Variants in ACSL1 observed in about 807,000 individuals in gnomAD.
The protein encoded by ACSL1 is long-chain-fatty-acid--CoA ligase 1.
In ACSL1, 41 loss-of-function variants were observed where a neutral mutation model predicts 98.4. The ratio of observed to expected loss-of-function variants is 0.42; its 90% CI spans 0.32 to 0.54. ACSL1 has a LOEUF of 0.54. Among genes scored for constraint, ACSL1 ranks in the 20% least tolerant of loss-of-function variants. The pLI, the probability that ACSL1 is intolerant of heterozygous loss-of-function variation, is 0.13. For synonymous variants in ACSL1, 316 were observed against 322.7 expected, an observed-to-expected ratio of 0.98 and a Z score of 0.22; for missense variants, 734 against 883.1, an observed-to-expected ratio of 0.83 and a Z score of 2.14.
chr4:184,778,149 C>G (rs1005362951), intron 5 of ACSL1, among the ~76,000 whole-genome samples: 3 of 152,228 alleles, frequency 2.0e-5, no homozygotes, highest in Non-Finnish European at 4.4e-5. Flanking sequence ...ACTGCCCTAC[C>G]TACTGGACAA....
Position 184,825,334 on chromosome 4 carries a change from C to T in ACSL1, c.-33+582G>A. The T allele has an allele frequency of 1.3e-6, 1 of 775,838 alleles. No homozygotes were observed. The highest frequency in any genetic ancestry group is 1.6e-6 in the Non-Finnish European group (1 of 638,568). The allele number at this position is 775,838 out of a possible 1,614,324, so 48.1% of individuals were successfully genotyped here. On this transcript the variant is annotated intron_variant, in intron 1 of 20. Coordinates refer to ENST00000281455, the MANE Select transcript of ACSL1 (RefSeq NM_001995.5). The surrounding 1 kb of genome is among the most constrained non-coding windows in gnomAD (Gnocchi z 4.7). The stretch of plus-strand genomic sequence containing the variant: ...ACTCCACGGCCAAGTGCAAGGGCCA[C>T]GGGCACTCCTCTGGAGTCACCGAGA...
chr4:184,798,046 G>A (rs1332396471), intron 2 of ACSL1, among the ~76,000 whole-genome samples: 1 of 152,200 alleles, frequency 6.6e-6, no homozygotes, highest in East Asian at 1.9e-4. Context: ...CGGCCAGCAT[G>A]TGACCTGGAG....
chr4:184,802,771 G>T (rs768654060), intron 2 of ACSL1, among the ~76,000 whole-genome samples: 1 of 152,208 alleles, frequency 6.6e-6, no homozygotes, highest in Non-Finnish European at 1.5e-5. Context: ...CAGCAGCCCA[G>T]CCAGACGCGC....
At chr4:184,791,024 G>A (rs1261451167) in intron 2 of ACSL1, among the ~76,000 whole-genome samples, 1 of 152,374 alleles carries the variant, frequency 6.6e-6, no homozygotes, top group African/African-American at 2.4e-5. Flanking sequence ...GATAAGAAAA[G>A]TACCAAGTAT....
chr4:184,782,915 C>T (rs891872081), intron 4 of ACSL1, among the ~76,000 whole-genome samples: 13 of 152,228 alleles, frequency 8.5e-5, no homozygotes, highest in Non-Finnish European at 1.5e-4. Flanking sequence ...AGAACGATCC[C>T]TTCCACAGAC....
intron 2 of ACSL1, among the ~76,000 whole-genome samples, chr4:184,790,198 T>C (rs1177040711): frequency 6.6e-6 from 1 of 152,186 alleles, no homozygotes; most frequent in South Asian, 2.1e-4. Flanking sequence ...TCTGTTTCCA[T>C]GGACTCTTCT....
chr4:184,786,137 G>A (rs1001149718), intron 3 of ACSL1, among the ~76,000 whole-genome samples: 1 of 152,068 alleles, frequency 6.6e-6, no homozygotes, highest in Non-Finnish European at 1.5e-5. Flanking sequence ...ACCCTTAACT[G>A]GAATAAACAG....
At chr4:184,789,479 ATC>A (rs1383833588) in intron 2 of ACSL1, among the ~76,000 whole-genome samples, 1 of 152,228 alleles carries the variant, frequency 6.6e-6, no homozygotes. Flanking sequence ...GCGCAATATC[ATC>A]TGTTAGAAAC....
intron 2 of ACSL1, chr4:184,798,335 AAAAC>A (rs1375760944): frequency 1.3e-5 from 2 of 152,250 alleles, no homozygotes; most frequent in Admixed American, 6.5e-5. Context: ...CCAATATCTA[AAAAC>A]AAACAAATAA....
At chr4:184,771,775 C>T (rs56099518) in intron 10 of ACSL1, among the ~76,000 whole-genome samples, 2 of 152,198 alleles carry the variant, frequency 1.3e-5, no homozygotes, top group South Asian at 4.1e-4. Context: ...TTTCCTAAAG[C>T]TGGGTCACCC....
chr4:184,786,465 C>A (rs1026088169), intron 3 of ACSL1, among the ~76,000 whole-genome samples: 2 of 150,928 alleles, frequency 1.3e-5, no homozygotes, highest in African/African-American at 4.9e-5. Flanking sequence ...CACACTGTTT[C>A]ATGTGCCATA....
In ACSL1 at chr4:184,757,086, G is replaced by A; in HGVS notation, c.*39C>T. 1 of 1,533,950 alleles carries A rather than the reference G, an allele frequency of 6.5e-7. No homozygotes were observed. The highest frequency in any genetic ancestry group is 1.2e-5 in the South Asian group (1 of 81,456). On this transcript the variant is annotated 3_prime_UTR_variant, in exon 21 of 21. Transcript: ENST00000281455. This position sits in a 1 kb window ranked among gnomAD's most constrained non-coding sequence, Gnocchi z 4.5. ...AAGGCCATCAGCAGGAGAAGAGATT[G>A]TGGAACTGTGCCATTTCCTCTGAGC...
At position 184,765,966 on chromosome 4, in the gene ACSL1, G is replaced by A; in HGVS notation, c.1284C>T (p.Val428=). The A allele has an allele frequency of 6.2e-7, 1 of 1,613,852 alleles. No homozygotes were observed. The highest frequency in any genetic ancestry group is 1.3e-5 in the African/African-American group (1 of 75,056). The change falls in exon 14 of 21, where the codon GTC becomes GTT. Residue 428 remains valine (V), a synonymous_variant. Coordinates refer to ENST00000281455, the MANE Select transcript of ACSL1 (RefSeq NM_001995.5). ...HKVQSSLGGR[V]RLMVTGAAPV... ...GGGCGGCTCCTGTCACCATCAGCCG[G>A]ACTCTTCCGCCCAGGCTCGACTTTC...
chr4:184,763,041 C>T, intron 16 of ACSL1, 126 bp downstream of exon 16: 1 of 959,616 alleles, frequency 1.0e-6, no homozygotes, highest in Non-Finnish European at 1.5e-6. Context: ...CTGGCAGACT[C>T]CAGGATCACC....
In ACSL1 at chr4:184,760,415, T is replaced by C. The variant is rs753629863; in HGVS notation, c.1724A>G (p.Asn575Ser). Residue 575 changes from asparagine to serine, a missense_variant, in exon 18 of 21, where the codon AAT becomes AGT. By Grantham distance (46) the Asn-to-Ser change is conservative. Coordinates refer to ENST00000281455, the MANE Select transcript of ACSL1 (RefSeq NM_001995.5). ...GEYIAPEKIE[N>S]IYMRSEPVAQ... ...AACAGGCTCACTTCGCATGTAGATATTTTCAATCTTTTCAGGGGCTATGTA... is the reference window on the plus strand; with the variant it reads ...AACAGGCTCACTTCGCATGTAGATACTTTCAATCTTTTCAGGGGCTATGTA... The C allele has an allele frequency of 5.6e-6, 9 of 1,614,164 alleles. No homozygotes were observed. The Admixed American group carries it at 1.5e-4, about 27-fold the overall frequency.
chr4:184,758,305 T>A (rs113469152), intron 18 of ACSL1: 1 of 197,012 alleles, frequency 5.1e-6, no homozygotes, highest in Non-Finnish European at 1.0e-5. Context: ...ATGCTTGTAA[T>A]CCTAGCACGT....
chr4:184,809,743 C>T (rs1368597386), intron 1 of ACSL1, among the ~76,000 whole-genome samples: 1 of 152,188 alleles, frequency 6.6e-6, no homozygotes, highest in Non-Finnish European at 1.5e-5. Context: ...TTGCAGTAAG[C>T]TGAGATCGCG....
In ACSL1 at chr4:184,766,031, G is replaced by A. The variant is rs1169236657; in HGVS notation, c.1264-45C>T. On this transcript the variant is annotated intron_variant, in intron 13 of 20. Transcript: ENST00000281455. The surrounding 1 kb of genome is among the most constrained non-coding windows in gnomAD (Gnocchi z 4.8). ...GGAGAAGGTGAGGGTTACACACCTG[G>A]AAGTCGGCGGCCTCTCCGCCAAGGG... The A allele has an allele frequency of 1.1e-5, 18 of 1,588,828 alleles. No individual in the cohort carries two copies. The highest frequency in any genetic ancestry group is 1.5e-5 in the Non-Finnish European group (17 of 1,160,074).
Position 184,768,447 on chromosome 4 carries a change from C to T in ACSL1, c.997G>A (p.Val333Ile). 1 of 1,613,164 alleles carries T rather than the reference C, an allele frequency of 6.2e-7. No homozygotes were observed. The highest frequency in any genetic ancestry group is 1.1e-5 in the South Asian group (1 of 90,850). Residue 333 changes from valine (V) to isoleucine (I), a missense_variant, in exon 12 of 21, where the codon GTA becomes ATA. Val to Ile is a conservative substitution (Grantham distance 29). Transcript: ENST00000281455. ...ATTTTAGCTCCATGACACAGCATTA[C>T]ACACTATAGGGGTAATGGAAAAAAC... Reference protein sequence around the residue: ...AHMFERVVECVMLCHGAKIGF... With the variant: ...AHMFERVVECIMLCHGAKIGF...
Sources: allele counts gnomAD v4.1 joint callset (sites outside exome capture counted in the v4.1 genomes callset), GRCh38; gene constraint gnomAD v4.1.1; non-coding constraint Gnocchi (gnomAD v3.1); transcripts MANE v1.5; gene names NCBI Gene and HGNC (gene_info 2026-07-23, HGNC 2026-07-21).